The following FANCL variants were observed in gnomAD, a reference collection of about 807,000 sequenced individuals.
FANCL encodes the protein FA complementation group L.
Under a neutral mutation model 59.4 loss-of-function variants are expected in FANCL, and 69 were observed. The observed-to-expected ratio is 1.16, with a 90% confidence interval of 0.96 to 1.42. FANCL has a LOEUF of 1.42. Ranked by LOEUF, FANCL falls within the 40% of genes most tolerant of loss-of-function variation. FANCL has a pLI of 0.00. For synonymous variants in FANCL, 180 were observed against 147.1 expected (o/e 1.22, Z -1.62); for missense variants, 519 against 447.2 (o/e 1.16, Z -1.45).
Position 58,182,862 on chromosome 2 carries a change from C to A in FANCL, c.540+15732G>T, listed in dbSNP as rs181986608. ...TGCAATAGAGTATGCTGATTAAGAT[C>A]AAAAACTATAGTCAAGTAAGTCTCA... On this transcript the variant is annotated intron_variant, in intron 7 of 13. Coordinates refer to ENST00000233741, the MANE Select transcript of FANCL (RefSeq NM_018062.4). Among the ~76,000 whole-genome samples, 771 of 151,654 alleles carry A rather than the reference C, an allele frequency of 5.1e-3. 7 individuals carry two copies. Among genetic ancestry groups the A allele is most frequent in the Non-Finnish European group, 5.3e-3 (360 of 67,704 alleles).
intron 7 of FANCL, among the ~76,000 whole-genome samples, chr2:58,169,012 G>A (rs1234997320): frequency 6.6e-6 from 1 of 152,172 alleles, no homozygotes; most frequent in Non-Finnish European, 1.5e-5. Context: ...AGGGGCGGCT[G>A]TGGGCACAGC....
chr2:58,199,205 TTGAGTAAAAGGTAATG>T (rs1380513316), intron 6 of FANCL, among the ~76,000 whole-genome samples: 15 of 152,090 alleles, frequency 9.9e-5, no homozygotes, highest in Non-Finnish European at 1.9e-4. Flanking sequence ...GCAATCGGTG[TTGAGTAAAAGGTAATG>T]AATTAAGTCA....
intron 7 of FANCL, among the ~76,000 whole-genome samples, chr2:58,170,218 T>TG (rs778796508): frequency 4.6e-5 from 7 of 151,814 alleles, no homozygotes; most frequent in African/African-American, 7.3e-5. Context: ...CAGAAGAGAG[T>TG]GGGGGCCAAT....
intron 7 of FANCL, among the ~76,000 whole-genome samples, chr2:58,170,913 C>G (rs144246902): frequency 0.01 from 1,562 of 152,240 alleles, 23 homozygotes; most frequent in African/African-American, 0.035. Context: ...AAGACTCCCA[C>G]ACAATAATAG....
chr2:58,162,791 AT>A, intron 11 of FANCL, 74 bp downstream of exon 11: 2 of 1,311,014 alleles, frequency 1.5e-6, no homozygotes, highest in Non-Finnish European at 2.2e-6. Flanking sequence ...TTTCAGCCTC[AT>A]TTTTCACTGA....
intron 7 of FANCL, among the ~76,000 whole-genome samples, chr2:58,173,472 A>G (rs567362847): frequency 2.0e-5 from 3 of 152,242 alleles, no homozygotes; most frequent in Admixed American, 6.5e-5. Flanking sequence ...AGAGAGTGGG[A>G]GCCAATATTC....
intron 7 of FANCL, 73 bp from the exon 8 acceptor site, chr2:58,165,947 C>T (rs902706723): frequency 4.7e-6 from 7 of 1,486,018 alleles, no homozygotes; most frequent in Non-Finnish European, 6.5e-6. Context: ...ACTTAAAATA[C>T]ACTCAATTTA....
Position 58,165,715 on chromosome 2 carries a change from T to C in FANCL, c.691+9A>G, listed in dbSNP as rs1251815296. ...CTAAAAACAAACCCTTAATCCTCCT[T>C]GTCCCTACCTAATGCAATTCTGCGT... On this transcript the variant is annotated intron_variant, in intron 8 of 13. Transcript: ENST00000233741. 3 of 1,614,090 alleles carry C rather than the reference T, an allele frequency of 1.9e-6. No homozygotes were observed. Among genetic ancestry groups the C allele is most frequent in the Non-Finnish European group, 2.5e-6 (3 of 1,179,948 alleles).
At chr2:58,188,587 G>A (rs529717404) in intron 7 of FANCL, among the ~76,000 whole-genome samples, 3 of 151,710 alleles carry the variant, frequency 2.0e-5, no homozygotes, top group Non-Finnish European at 4.4e-5. Flanking sequence ...CTACAGACAC[G>A]TTGCCCCCAC....
At chr2:58,201,304 T>C (rs943404831) in intron 6 of FANCL, among the ~76,000 whole-genome samples, 12 of 151,616 alleles carry the variant, frequency 7.9e-5, no homozygotes, top group Non-Finnish European at 1.6e-4. Flanking sequence ...AAAATAAGTA[T>C]AGTATTTAAT....
intron 1 of FANCL, among the ~76,000 whole-genome samples, chr2:58,237,752 G>C (rs922445360): frequency 6.6e-6 from 1 of 152,094 alleles, no homozygotes; most frequent in Non-Finnish European, 1.5e-5. Context: ...TAAATTATTT[G>C]ACACTCCTAC....
At chr2:58,178,374 T>C (rs1687579835) in intron 7 of FANCL, among the ~76,000 whole-genome samples, 1 of 152,130 alleles carries the variant, frequency 6.6e-6, no homozygotes, top group Admixed American at 6.6e-5. Flanking sequence ...ATCAAAAAGC[T>C]TATCTACCAC....
chr2:58,189,925 C>T (rs1688761914), intron 7 of FANCL, among the ~76,000 whole-genome samples: 2 of 151,796 alleles, frequency 1.3e-5, no homozygotes. Context: ...CCCTAATAAT[C>T]CTTTTTTTTT....
chr2:58,172,500 G>A (rs1573562069), intron 7 of FANCL, among the ~76,000 whole-genome samples: 1 of 152,210 alleles, frequency 6.6e-6, no homozygotes, highest in Admixed American at 6.5e-5. Flanking sequence ...AGGGTCTGGA[G>A]TGGACCTCTA....
At chr2:58,226,872 G>A in intron 3 of FANCL, 88 bp from the exon 4 acceptor site, 1 of 1,083,624 alleles carries the variant, frequency 9.2e-7, no homozygotes, top group Non-Finnish European at 1.4e-6. Context: ...CCAAGTGAAT[G>A]TGAAAAAAAG....
chr2:58,232,926 A>C (rs1693714346), intron 1 of FANCL, among the ~76,000 whole-genome samples: 1 of 152,046 alleles, frequency 6.6e-6, no homozygotes, highest in Admixed American at 6.6e-5. Context: ...AAAATTCTCA[A>C]AAAACAATTA....
At chr2:58,169,654 GA>G (rs1181655520) in intron 7 of FANCL, among the ~76,000 whole-genome samples, 2 of 151,860 alleles carry the variant, frequency 1.3e-5, no homozygotes, top group East Asian at 1.9e-4. Flanking sequence ...TAAGAACCTT[GA>G]AAAAAAGTTA....
intron 7 of FANCL, among the ~76,000 whole-genome samples, chr2:58,177,762 A>G (rs1186200971): frequency 2.6e-5 from 4 of 151,540 alleles, no homozygotes; most frequent in Admixed American, 6.6e-5. Flanking sequence ...GCACATGTAC[A>G]CTAAAACTTA....
At position 58,163,304 on chromosome 2, in the gene FANCL, A is replaced by G. The variant is rs1685484573; in HGVS notation, c.775+130T>C. ...CCATTACACTACATACTGGGCAACA[A>G]GAGCAAAACTCCGTCTCAGACAAAA... is the stretch of plus-strand genomic sequence containing the variant. On this transcript the variant is annotated intron_variant, in intron 9 of 13. Coordinates refer to ENST00000233741, the MANE Select transcript of FANCL (RefSeq NM_018062.4). 6 of 777,602 alleles carry G rather than the reference A, an allele frequency of 7.7e-6. No individual in the cohort carries two copies. The East Asian group carries it at 1.6e-4, about 21-fold the overall frequency. 48.2% of individuals were successfully genotyped at this position (777,602 alleles called of 1,614,324 possible).
Sources: gnomAD v4.1 joint callset for allele counts (sites outside exome capture counted in the v4.1 genomes callset) on GRCh38, gnomAD v4.1.1 for gene constraint, MANE v1.5 for transcripts, NCBI Gene and HGNC (gene_info 2026-07-23, HGNC 2026-07-21) for gene names.